The following DCC variants were observed in gnomAD, a reference collection of about 807,000 sequenced individuals.
DCC encodes the protein netrin receptor DCC.
DCC carries 58 observed loss-of-function variants against 172.5 expected under a neutral mutation model. The observed-to-expected ratio is 0.34, with a 90% confidence interval of 0.27 to 0.42. The LOEUF is 0.42. DCC is among the 10% of genes least tolerant of loss of function. The pLI is 1.00. For missense variants in DCC, 1,740 were observed against 1,791.0 expected (o/e 0.97, Z 0.51); for synonymous variants, 709 against 644.5 (o/e 1.10, Z -1.52).
chr18:52,621,360 C>G (rs550932432), intron 1 of DCC, among the ~76,000 whole-genome samples: 1 of 152,324 alleles, frequency 6.6e-6, no homozygotes, highest in African/African-American at 2.4e-5. Flanking sequence ...GATTAGAACT[C>G]TGTGTCTGAA....
At chr18:53,184,125 T>C (rs2055242574) in intron 9 of DCC, among the ~76,000 whole-genome samples, 1 of 151,898 alleles carries the variant, frequency 6.6e-6, no homozygotes, top group African/African-American at 2.4e-5. Context: ...TAAATAAGGC[T>C]AATATAATAC....
chr18:53,280,222 G>A (rs954997677), intron 12 of DCC, among the ~76,000 whole-genome samples: 6 of 152,048 alleles, frequency 3.9e-5, no homozygotes, highest in Admixed American at 3.9e-4. Context: ...CTAGTTATAA[G>A]CAAACTGTTA....
intron 2 of DCC, among the ~76,000 whole-genome samples, chr18:52,794,054 T>C (rs1280871357): frequency 2.0e-5 from 3 of 152,212 alleles, no homozygotes; most frequent in Non-Finnish European, 2.9e-5. Context: ...TTGGTTATTA[T>C]AGCTTTGTAG....
intron 2 of DCC, among the ~76,000 whole-genome samples, chr18:52,905,501 A>G (rs1020089512): frequency 1.3e-5 from 2 of 152,174 alleles, no homozygotes; most frequent in Admixed American, 6.5e-5. Flanking sequence ...AGTAAACCCT[A>G]AAAGACAATC....
intron 24 of DCC, among the ~76,000 whole-genome samples, chr18:53,466,093 T>C (rs1472786010): frequency 6.6e-6 from 1 of 152,134 alleles, no homozygotes; most frequent in Non-Finnish European, 1.5e-5. Flanking sequence ...GTTGCCACTT[T>C]ATTTCTTTTA....
chr18:52,468,506 A>G (rs1230104341), intron 1 of DCC, among the ~76,000 whole-genome samples: 1 of 152,200 alleles, frequency 6.6e-6, no homozygotes, highest in Non-Finnish European at 1.5e-5. Flanking sequence ...TCCAAGCAAA[A>G]CTTCAAATTA....
At chr18:52,379,609 G>T (rs1985499989) in intron 1 of DCC, among the ~76,000 whole-genome samples, 1 of 152,118 alleles carries the variant, frequency 6.6e-6, no homozygotes, top group African/African-American at 2.4e-5. Flanking sequence ...TCACTTAATG[G>T]CAGAAAGTCT....
chr18:53,130,688 T>C (rs2043638181), intron 7 of DCC, among the ~76,000 whole-genome samples: 1 of 152,138 alleles, frequency 6.6e-6, no homozygotes, highest in Admixed American at 6.6e-5. Context: ...ATTATCAGGC[T>C]GTCCTGGGAT....
chr18:53,363,082 A>G (rs1366990008), intron 15 of DCC, among the ~76,000 whole-genome samples: 1 of 152,188 alleles, frequency 6.6e-6, no homozygotes, highest in Non-Finnish European at 1.5e-5. Context: ...AGAAGGTTTA[A>G]GGGACTTGTA....
chr18:53,177,716 C>T (rs2055128598), intron 8 of DCC, among the ~76,000 whole-genome samples: 2 of 152,130 alleles, frequency 1.3e-5, no homozygotes, highest in African/African-American at 4.8e-5. Flanking sequence ...AATCAGCACA[C>T]ATCACATCAC....
chr18:52,485,836 A>T (rs2030191026), intron 1 of DCC, among the ~76,000 whole-genome samples: 1 of 152,154 alleles, frequency 6.6e-6, no homozygotes, highest in Non-Finnish European at 1.5e-5. Flanking sequence ...GTGGAATATG[A>T]TCTGTGAAAT....
chr18:52,540,083 T>G (rs566810335), intron 1 of DCC, among the ~76,000 whole-genome samples: 2 of 152,266 alleles, frequency 1.3e-5, no homozygotes, highest in Non-Finnish European at 2.9e-5. Flanking sequence ...ATGTTGGGTT[T>G]TTTCATTTTC....
At chr18:52,896,234 G>C (rs1415517618) in intron 2 of DCC, among the ~76,000 whole-genome samples, 1 of 151,954 alleles carries the variant, frequency 6.6e-6, no homozygotes, top group African/African-American at 2.4e-5. Context: ...TATATTTTCA[G>C]TTTTAATTAC....
In DCC at chr18:53,340,058, A is replaced by G. The variant is rs2057639078; in HGVS notation, c.2359+151A>G. On this transcript the variant is annotated intron_variant, in intron 15 of 28. Coordinates refer to ENST00000442544, the MANE Select transcript of DCC (RefSeq NM_005215.4). The stretch of plus-strand genomic sequence containing the variant: ...AGCAACTGTCTATCTACACACACAC[A>G]CACACACACACACACACATACACAC... The G allele has an allele frequency of 1.0e-5, 5 of 498,780 alleles. No individual in the cohort carries two copies. The Admixed American group carries it at 1.2e-4, about 12-fold the overall frequency. 30.9% of individuals were successfully genotyped at this position (498,780 alleles called of 1,614,324 possible). A position where few individuals can be genotyped will look rare whatever the true frequency, so the allele number is the denominator to read the frequency against.
chr18:52,613,422 A>AT (rs2034313775), intron 1 of DCC, among the ~76,000 whole-genome samples: 1 of 151,546 alleles, frequency 6.6e-6, no homozygotes, highest in Non-Finnish European at 1.5e-5. Flanking sequence ...CGCCCGGCTA[A>AT]TTTTTTGTAT....
chr18:52,852,437 G>A (rs1431749), intron 2 of DCC, among the ~76,000 whole-genome samples: 11,516 of 151,978 alleles, frequency 0.076, 819 homozygotes, highest in East Asian at 0.3. Context: ...AGAGTAACAC[G>A]ATTTTGAAAA....
At chr18:53,453,126 A>G (rs1013136363) in intron 23 of DCC, among the ~76,000 whole-genome samples, 2 of 152,044 alleles carry the variant, frequency 1.3e-5, no homozygotes, top group Non-Finnish European at 2.9e-5. Context: ...CGTGTTAGCC[A>G]CGATGGTCTT....
chr18:53,518,837 A>G (rs1248874140), intron 27 of DCC, among the ~76,000 whole-genome samples: 2 of 152,160 alleles, frequency 1.3e-5, no homozygotes, highest in East Asian at 1.9e-4. Flanking sequence ...AAATTTGTCA[A>G]TTAGCCATGG....
At position 53,446,124 on chromosome 18, in the gene DCC, A is replaced by AAAAAAC. The variant is rs369426007; in HGVS notation, c.3230-4376_3230-4375insAAAAAC. Among the ~76,000 whole-genome samples, 43 of 117,266 alleles carry AAAAAAC rather than the reference A, an allele frequency of 3.7e-4. 3 individuals carry two copies. The highest frequency in any genetic ancestry group is 6.5e-4 in the Admixed American group (7 of 10,750). The allele number at this position is 117,266 out of a possible 152,430, so 76.9% of individuals were successfully genotyped here. A position where few individuals can be genotyped will look rare whatever the true frequency, so the allele number is the denominator to read the frequency against. ...AAAAAAAAAAAAAAAACAAAAAAAAACACTTAAAAATTTTCCAGGGATGGT... is the reference window on the plus strand; with the variant it reads ...AAAAAAAAAAAAAAAACAAAAAAAAAAAAAACCACTTAAAAATTTTCCAGGGATGGT... On this transcript the variant is annotated intron_variant, in intron 22 of 28. Coordinates refer to ENST00000442544, the MANE Select transcript of DCC (RefSeq NM_005215.4).
Sources: allele counts gnomAD v4.1 joint callset (sites outside exome capture counted in the v4.1 genomes callset), GRCh38; gene constraint gnomAD v4.1.1; transcripts MANE v1.5; gene names NCBI Gene and HGNC (gene_info 2026-07-23, HGNC 2026-07-21).